The following TUNAR variants were observed in gnomAD, a reference collection of about 807,000 sequenced individuals.
TUNAR encodes the protein transmembrane neural differentiation associated intracellular calcium regulator, also known as protein TUNAR.
In TUNAR at chr14:95,917,888, TG is replaced by T. The variant is rs1889631741; in HGVS notation, c.13-4892del. ...TTTAGTGTATTTAGGGTTGTGCAACTGTCACTAAAAATCTAAGTTTAGAATA... is the reference window on the plus strand; with the variant it reads ...TTTAGTGTATTTAGGGTTGTGCAACTTCACTAAAAATCTAAGTTTAGAATA... On this transcript the variant is annotated intron_variant, in intron 2 of 2. Coordinates refer to ENST00000678517, the Ensembl canonical transcript of TUNAR. Among the ~76,000 whole-genome samples, 8 of 152,362 alleles carry T rather than the reference TG, an allele frequency of 5.3e-5. 1 individual carries two copies. In the East Asian group the frequency reaches 1.5e-3, roughly 29 times the overall value.
chr14:95,901,597 A>G (rs1400095071), intron 2 of TUNAR, among the ~76,000 whole-genome samples: 3 of 152,230 alleles, frequency 2.0e-5, no homozygotes, highest in Non-Finnish European at 4.4e-5. Flanking sequence ...ATCGTGGACA[A>G]ATTACTTAAC....
At chr14:95,910,453 C>T (rs996521858) in intron 2 of TUNAR, among the ~76,000 whole-genome samples, 2 of 152,188 alleles carry the variant, frequency 1.3e-5, no homozygotes, top group Non-Finnish European at 2.9e-5. Flanking sequence ...GTAGCTATGA[C>T]GTTTATCATC....
chr14:95,890,081 T>C (rs1889150944), intron 2 of TUNAR, among the ~76,000 whole-genome samples: 1 of 152,156 alleles, frequency 6.6e-6, no homozygotes, highest in Non-Finnish European at 1.5e-5. Flanking sequence ...GCGCAGTCAC[T>C]GCACACTACA....
chr14:95,908,988 C>T (rs982182182), intron 2 of TUNAR, among the ~76,000 whole-genome samples: 6 of 152,164 alleles, frequency 3.9e-5, no homozygotes, highest in Non-Finnish European at 8.8e-5. Context: ...CACCACAGGC[C>T]TGCGTCTCAT....
intron 2 of TUNAR, among the ~76,000 whole-genome samples, chr14:95,884,126 T>G (rs924913323): frequency 5.9e-5 from 9 of 152,128 alleles, no homozygotes; most frequent in African/African-American, 1.2e-4. Context: ...TTCCCGCTCC[T>G]CCTCCTCTGT....
chr14:95,909,859 G>C (rs1230270321), intron 2 of TUNAR, among the ~76,000 whole-genome samples: 1 of 152,186 alleles, frequency 6.6e-6, no homozygotes, highest in Non-Finnish European at 1.5e-5. Context: ...ATCCGAAGAC[G>C]GGGTCCTGGG....
At chr14:95,922,916 A>G (rs1273253639) in exon 3 of TUNAR, 3 of 398,962 alleles carry the variant, frequency 7.5e-6, no homozygotes, top group Admixed American at 4.4e-5. Context: ...TATCGGGACC[A>G]TTCTGAACCT....
intron 2 of TUNAR, among the ~76,000 whole-genome samples, chr14:95,915,789 CT>C (rs1889595607): frequency 6.6e-6 from 1 of 152,206 alleles, no homozygotes; most frequent in Non-Finnish European, 1.5e-5. Flanking sequence ...ATTAAAAACT[CT>C]CAAGTGTGCT....
At chr14:95,924,887 C>T (rs1889760636) in exon 3 of TUNAR, 1 of 152,258 alleles carries the variant, frequency 6.6e-6, no homozygotes, top group South Asian at 2.1e-4. Context: ...CTTCTATAGT[C>T]TATGCCTGCA....
chr14:95,886,031 C>T (rs893099208), intron 2 of TUNAR, among the ~76,000 whole-genome samples: 2 of 152,200 alleles, frequency 1.3e-5, no homozygotes, highest in Non-Finnish European at 2.9e-5. Context: ...GCAATTGCTG[C>T]CCAGCCATCG....
intron 2 of TUNAR, among the ~76,000 whole-genome samples, chr14:95,900,286 T>C (rs1889331289): frequency 6.6e-6 from 1 of 152,206 alleles, no homozygotes; most frequent in South Asian, 2.1e-4. Flanking sequence ...AAGGGAAGGC[T>C]GCGCTGCTGG....
intron 2 of TUNAR, among the ~76,000 whole-genome samples, chr14:95,905,025 A>G (rs770527037): frequency 3.3e-5 from 5 of 152,208 alleles, no homozygotes; most frequent in Non-Finnish European, 7.3e-5. Context: ...CTCTAGAGGC[A>G]TTGATACTAG....
At chr14:95,885,010 T>TG (rs1889052429) in intron 2 of TUNAR, among the ~76,000 whole-genome samples, 1 of 152,008 alleles carries the variant, frequency 6.6e-6, no homozygotes, top group Non-Finnish European at 1.5e-5. Context: ...AGATGGACCA[T>TG]GTTGTGAGAT....
At chr14:95,915,880 G>C (rs950077996) in intron 2 of TUNAR, among the ~76,000 whole-genome samples, 13 of 152,228 alleles carry the variant, frequency 8.5e-5, no homozygotes, top group Admixed American at 3.3e-4. Flanking sequence ...TAGCACAGTA[G>C]GGGTGCTGAT....
At chr14:95,884,825 C>T (rs1268432046) in intron 2 of TUNAR, among the ~76,000 whole-genome samples, 1 of 152,188 alleles carries the variant, frequency 6.6e-6, no homozygotes, top group Non-Finnish European at 1.5e-5. Flanking sequence ...CTCCGACTGC[C>T]GCTCTTGCTT....
chr14:95,888,807 T>TGG (rs71307132), intron 2 of TUNAR, among the ~76,000 whole-genome samples: 85 of 150,564 alleles, frequency 5.6e-4, no homozygotes, highest in South Asian at 4.5e-3. Flanking sequence ...TTCGAGGGGA[T>TGG]GGGGGGGGCA....
intron 2 of TUNAR, among the ~76,000 whole-genome samples, chr14:95,889,582 C>T (rs540974584): frequency 1.3e-5 from 2 of 152,276 alleles, no homozygotes; most frequent in East Asian, 1.9e-4. Context: ...GGGCAAGCCC[C>T]GTGACTGGGA....
At chr14:95,891,827 C>T (rs969177883) in intron 2 of TUNAR, among the ~76,000 whole-genome samples, 2 of 152,168 alleles carry the variant, frequency 1.3e-5, no homozygotes, top group East Asian at 1.9e-4. Flanking sequence ...TGTGCTCCAT[C>T]GGAAGGCTCC....
chr14:95,921,231 C>CGCATGACCAGCTATCTGGGCGT (rs1889692117), intron 2 of TUNAR, among the ~76,000 whole-genome samples: 1 of 152,212 alleles, frequency 6.6e-6, no homozygotes, highest in Non-Finnish European at 1.5e-5. Context: ...CCCAGAATAA[C>CGCATGACCAGCTATCTGGGCGT]GCATGACCAG....
Sources: allele counts gnomAD v4.1 joint callset (sites outside exome capture counted in the v4.1 genomes callset), GRCh38; gene constraint gnomAD v4.1.1; transcripts MANE v1.5; gene names NCBI Gene and HGNC (gene_info 2026-07-23, HGNC 2026-07-21).